The following CD302 variants were observed in gnomAD, a reference collection of about 807,000 sequenced individuals.
CD302 encodes CD302 antigen.
Under a neutral mutation model 26.5 loss-of-function variants are expected in CD302, and 23 were observed. The ratio of observed to expected loss-of-function variants is 0.87; its 90% CI spans 0.62 to 1.23. CD302 has a LOEUF of 1.23. CD302 is among the 50% of genes most tolerant of loss of function. The pLI is 0.00. For synonymous variants in CD302, 90 were observed against 99.4 expected (o/e 0.91, Z 0.56); for missense variants, 290 against 275.5 (o/e 1.05, Z -0.37).
intron 1 of CD302, among the ~76,000 whole-genome samples, chr2:159,792,422 CTGTGTGTGTG>C (rs3138650): frequency 0.11 from 16,300 of 145,204 alleles, 1,358 homozygotes; most frequent in African/African-American, 0.24. Flanking sequence ...AGAACCAACT[CTGTGTGTGTG>C]TGTGTGTGTG....
rs1258435286 is a variant in CD302 at position 159,795,905 on chromosome 2, AG to A, written c.67+2226del. ...CATGCTTGTTCACTCAGCTCATGCCAGGCATAGGAAACCACTGACCAAATAA... is the reference window on the plus strand; with the variant it reads ...CATGCTTGTTCACTCAGCTCATGCCAGCATAGGAAACCACTGACCAAATAA... On this transcript the variant is annotated intron_variant, in intron 1 of 5. Coordinates refer to ENST00000259053, the MANE Select transcript of CD302 (RefSeq NM_014880.5). Among the ~76,000 whole-genome samples the A allele has an allele frequency of 5.9e-5, 9 of 152,374 alleles. No individual in the cohort carries two copies. The East Asian group carries it at 1.7e-3, about 29-fold the overall frequency.
chr2:159,780,846 A>C, intron 3 of CD302, 36 bp downstream of exon 3: 1 of 1,588,782 alleles, frequency 6.3e-7, no homozygotes, highest in Non-Finnish European at 8.6e-7. Context: ...AAAAAAGAAC[A>C]ACAAAGTCAC....
intron 1 of CD302, among the ~76,000 whole-genome samples, chr2:159,789,327 C>A (rs1184542955): frequency 6.6e-6 from 1 of 151,960 alleles, no homozygotes; most frequent in African/African-American, 2.4e-5. Context: ...TGCTGTTAAA[C>A]CCCATCTATT....
In CD302 at chr2:159,776,012, C is replaced by CTTTTTT. The variant is rs71406197; in HGVS notation, c.496+1920_496+1925dup. Among the ~76,000 whole-genome samples the CTTTTTT allele has an allele frequency of 3.9e-4, 32 of 81,262 alleles. 2 individuals carry two copies. The highest frequency in any genetic ancestry group is 1.0e-3 in the Admixed American group (5 of 4,996). 53.3% of individuals were successfully genotyped at this position (81,262 alleles called of 152,430 possible). On this transcript the variant is annotated intron_variant, in intron 5 of 5. Coordinates refer to ENST00000259053, the MANE Select transcript of CD302 (RefSeq NM_014880.5). ...TGCAGCCTCTGCCTCCGGGTTTCAA[C>CTTTTTT]TTTTTTTTTTTTTTTTTTAAAGTAG...
intron 5 of CD302, 58 bp from the exon 6 acceptor site, chr2:159,772,111 T>A: frequency 6.4e-7 from 1 of 1,556,750 alleles, no homozygotes; most frequent in South Asian, 1.1e-5. Flanking sequence ...GTTGCAAGTA[T>A]ATTTTGATGA....
rs1056191169 is a variant in CD302, at chr2:159,786,338, T to C, written c.68-2869A>G. Among the ~76,000 whole-genome samples the C allele has an allele frequency of 8.1e-5, 12 of 147,872 alleles. No homozygotes were observed. In the South Asian group the frequency reaches 1.3e-3, roughly 16 times the overall value. ...TGAAGCATGTTGTCTTTTTCTTTTT[T>C]TTTTTTTTTTTTTGAGACAGAGTCT... On this transcript the variant is annotated intron_variant, in intron 1 of 5. Transcript: ENST00000259053.
chr2:159,778,299 C>T (rs1267546826), intron 4 of CD302, among the ~76,000 whole-genome samples: 1 of 152,182 alleles, frequency 6.6e-6, no homozygotes, highest in Non-Finnish European at 1.5e-5. Context: ...TAAAATTAAA[C>T]AACTGTGACC....
At chr2:159,778,049 A>G in intron 4 of CD302, 85 bp from the exon 5 acceptor site, 1 of 531,514 alleles carries the variant, frequency 1.9e-6, no homozygotes, top group Non-Finnish European at 2.9e-6. Flanking sequence ...ATCATTAAAA[A>G]TAAACCCTTT....
chr2:159,781,284 C>T (rs1161414795), intron 2 of CD302, among the ~76,000 whole-genome samples: 1 of 152,002 alleles, frequency 6.6e-6, no homozygotes, highest in Admixed American at 6.5e-5. Context: ...CGTGGTGGCT[C>T]ATGCCTGTAA....
intron 5 of CD302, among the ~76,000 whole-genome samples, chr2:159,772,546 T>G (rs1377883863): frequency 6.6e-6 from 1 of 152,208 alleles, no homozygotes; most frequent in Admixed American, 6.5e-5. Context: ...CTTTGTGTGT[T>G]TCCCTAAATT....
intron 4 of CD302, 149 bp downstream of exon 4, chr2:159,779,856 G>T: frequency 1.1e-6 from 1 of 940,844 alleles, no homozygotes. Context: ...CAGTGCCTCA[G>T]TTTACCATAA....
intron 1 of CD302, among the ~76,000 whole-genome samples, chr2:159,797,505 C>T (rs1400610356): frequency 2.0e-5 from 3 of 152,184 alleles, no homozygotes; most frequent in Non-Finnish European, 4.4e-5. Context: ...TTTCAGATGT[C>T]ACTTGCACAA....
At chr2:159,780,543 T>A (rs1337171810) in intron 3 of CD302, among the ~76,000 whole-genome samples, 1 of 152,228 alleles carries the variant, frequency 6.6e-6, no homozygotes, top group East Asian at 1.9e-4. Context: ...ACAGTAATGA[T>A]AAATATGTTT....
At chr2:159,788,250 A>G (rs1196291871) in intron 1 of CD302, among the ~76,000 whole-genome samples, 1 of 152,268 alleles carries the variant, frequency 6.6e-6, no homozygotes, top group African/African-American at 2.4e-5. Flanking sequence ...CATCTTGGTC[A>G]ATGATAGACT....
chr2:159,771,628 G>A lies in CD302; in HGVS notation c.*223C>T, dbSNP rs116197392. On this transcript the variant is annotated 3_prime_UTR_variant, in exon 6 of 6. Transcript: ENST00000259053. ...TCAAGTGACAGATTCTGCCTTTGACGGGATGCTTAAAATCACTATATTAGA... is the reference window on the plus strand; with the variant it reads ...TCAAGTGACAGATTCTGCCTTTGACAGGATGCTTAAAATCACTATATTAGA... 17,946 of 444,720 alleles carry A rather than the reference G, an allele frequency of 0.04. 506 individuals are homozygous for A. Among genetic ancestry groups the A allele is most frequent in the Non-Finnish European group, 0.053 (13,445 of 255,982 alleles). The allele number at this position is 444,720 out of a possible 1,614,324, so 27.5% of individuals were successfully genotyped here. A position where few individuals can be genotyped will look rare whatever the true frequency, so the allele number is the denominator to read the frequency against.
chr2:159,797,882 A>G (rs1682509332), intron 1 of CD302, among the ~76,000 whole-genome samples: 1 of 152,160 alleles, frequency 6.6e-6, no homozygotes, highest in East Asian at 1.9e-4. Flanking sequence ...GTCTGCGGTG[A>G]GGATGTGGAC....
At chr2:159,772,177 T>G in intron 5 of CD302, 124 bp from the exon 6 acceptor site, 1 of 1,088,474 alleles carries the variant, frequency 9.2e-7, no homozygotes, top group African/African-American at 1.6e-5. Flanking sequence ...CCCACACTGA[T>G]GAGAAAACCA....
chr2:159,778,079 A>G, intron 4 of CD302, 115 bp from the exon 5 acceptor site: 1 of 320,036 alleles, frequency 3.1e-6, no homozygotes, highest in Non-Finnish European at 5.5e-6. Flanking sequence ...CTTAATATCA[A>G]TATATTCATA....
rs1297130219 is a variant in CD302, at chr2:159,771,902, G to C, written c.648C>G (p.Asp216Glu). The change falls in exon 6 of 6, where the codon GAC becomes GAG. Residue 216 changes from aspartate to glutamate, a missense_variant. Coordinates refer to ENST00000259053, the MANE Select transcript of CD302 (RefSeq NM_014880.5). ...TTTCTTCTCCAACTACCAAAACACA[G>C]TCTTCATTATAAGGTGATTGGGGTG... ...STAPQSPYNE[D>E]CVLVVGEENE... 6 of 1,613,946 alleles carry C rather than the reference G, an allele frequency of 3.7e-6. No individual in the cohort carries two copies. The highest frequency in any genetic ancestry group is 4.2e-6 in the Non-Finnish European group (5 of 1,179,904).
Sources: gnomAD v4.1 joint callset for allele counts (sites outside exome capture counted in the v4.1 genomes callset) on GRCh38, gnomAD v4.1.1 for gene constraint, MANE v1.5 for transcripts, NCBI Gene and HGNC (gene_info 2026-07-23, HGNC 2026-07-21) for gene names.